Variants in ARHGAP42 observed in about 807,000 individuals in gnomAD.
The protein encoded by ARHGAP42 is rho GTPase-activating protein 42.
In ARHGAP42, 63 loss-of-function variants were observed where a neutral mutation model predicts 125.0. That is an observed-to-expected ratio of 0.50 (90% confidence interval 0.41 to 0.62). The LOEUF (loss-of-function observed/expected upper bound fraction) is 0.62. ARHGAP42 is among the 20% of genes least tolerant of loss of function. The probability of loss-of-function intolerance (pLI) is 0.00; values close to 1 mark genes in which losing one functional copy is unlikely to be tolerated. For missense variants in ARHGAP42, 766 were observed against 1,024.2 expected (o/e 0.75, Z 3.44); for synonymous variants, 339 against 351.0 (o/e 0.97, Z 0.38).
In ARHGAP42 at chr11:100,943,134, G is replaced by T. The variant is rs188419205; in HGVS notation, c.934-625G>T. Among the ~76,000 whole-genome samples, 303 of 151,910 alleles carry T rather than the reference G, an allele frequency of 2.0e-3. 1 individual carries two copies. The highest frequency in any genetic ancestry group is 3.4e-3 in the Non-Finnish European group (228 of 67,904). ...GGGTTACCAGCAAAACAATCACATTGTATTAGGTTGGTGCAAAAGTAATTG... is the reference window on the plus strand; with the variant it reads ...GGGTTACCAGCAAAACAATCACATTTTATTAGGTTGGTGCAAAAGTAATTG... On this transcript the variant is annotated intron_variant, in intron 9 of 23. Transcript: ENST00000298815.
chr11:100,736,546 G>T (rs890838457), intron 1 of ARHGAP42, among the ~76,000 whole-genome samples: 1 of 152,190 alleles, frequency 6.6e-6, no homozygotes, highest in Non-Finnish European at 1.5e-5. Flanking sequence ...TCACATCCCT[G>T]CAGGGTGTCT....
chr11:100,744,131 C>T (rs1306420405), intron 1 of ARHGAP42, among the ~76,000 whole-genome samples: 7 of 152,124 alleles, frequency 4.6e-5, no homozygotes, highest in South Asian at 4.1e-4. Context: ...CCTCCACGCC[C>T]GGCTAATTTT....
At chr11:100,946,322 T>G (rs1868015439) in intron 10 of ARHGAP42, among the ~76,000 whole-genome samples, 1 of 152,096 alleles carries the variant, frequency 6.6e-6, no homozygotes, top group Non-Finnish European at 1.5e-5. Context: ...GTTGTTTTGA[T>G]TCCTAGCGTT....
chr11:100,876,915 A>T (rs1006329204), intron 4 of ARHGAP42, among the ~76,000 whole-genome samples: 11 of 152,174 alleles, frequency 7.2e-5, no homozygotes, highest in Non-Finnish European at 1.5e-4. Flanking sequence ...CATGCAACCC[A>T]CGTTTGCATC....
chr11:100,970,079 C>T (rs1295586043), intron 17 of ARHGAP42, among the ~76,000 whole-genome samples: 2 of 152,000 alleles, frequency 1.3e-5, no homozygotes, highest in East Asian at 1.9e-4. Context: ...ACCTCTGCCT[C>T]TCGGGTTCAA....
At chr11:100,772,724 T>C (rs1429117663) in intron 2 of ARHGAP42, among the ~76,000 whole-genome samples, 1 of 152,198 alleles carries the variant, frequency 6.6e-6, no homozygotes, top group Admixed American at 6.5e-5. Flanking sequence ...ATAGGCTTTG[T>C]AGTATACACT....
At chr11:100,852,190 G>A (rs976236318) in intron 3 of ARHGAP42, among the ~76,000 whole-genome samples, 1 of 151,850 alleles carries the variant, frequency 6.6e-6, no homozygotes, top group Admixed American at 6.6e-5. Context: ...ACTACAATAA[G>A]TAATTTAAGA....
chr11:100,705,424 G>A (rs1236193628), intron 1 of ARHGAP42, among the ~76,000 whole-genome samples: 1 of 152,198 alleles, frequency 6.6e-6, no homozygotes, highest in African/African-American at 2.4e-5. Context: ...GCTTGATTGT[G>A]AGCACATCAC....
At chr11:100,867,366 A>G (rs1292050337) in intron 4 of ARHGAP42, among the ~76,000 whole-genome samples, 1 of 152,216 alleles carries the variant, frequency 6.6e-6, no homozygotes, top group East Asian at 1.9e-4. Flanking sequence ...ACCTTCATCT[A>G]TGATTTTAGC....
chr11:100,775,936 G>A (rs1863108954), intron 2 of ARHGAP42, among the ~76,000 whole-genome samples: 1 of 152,056 alleles, frequency 6.6e-6, no homozygotes, highest in Non-Finnish European at 1.5e-5. Context: ...GAGGCGGGCG[G>A]ATCACCTGAG....
intron 1 of ARHGAP42, among the ~76,000 whole-genome samples, chr11:100,717,461 C>A (rs1397739334): frequency 6.6e-6 from 1 of 151,826 alleles, no homozygotes; most frequent in Non-Finnish European, 1.5e-5. Flanking sequence ...CACAGTGAAA[C>A]CCCGTCTCTA....
intron 2 of ARHGAP42, among the ~76,000 whole-genome samples, chr11:100,779,528 G>GTATATATATACGTATACATA (rs1565210609): frequency 5.8e-5 from 5 of 86,270 alleles, no homozygotes; most frequent in Admixed American, 3.1e-4. Context: ...ACGTATACAT[G>GTATATATATACGTATACATA]CGTATATATA....
chr11:100,802,304 C>A (rs529486449), intron 3 of ARHGAP42, among the ~76,000 whole-genome samples: 82 of 152,178 alleles, frequency 5.4e-4, no homozygotes, highest in African/African-American at 1.8e-3. Flanking sequence ...ATCTAGGTAA[C>A]CTCTTCTTTG....
At chr11:100,713,898 T>C (rs1451437466) in intron 1 of ARHGAP42, among the ~76,000 whole-genome samples, 1 of 152,228 alleles carries the variant, frequency 6.6e-6, no homozygotes, top group Non-Finnish European at 1.5e-5. Context: ...GTATTTCTAA[T>C]GTGGATTGAA....
chr11:100,953,003 A>G (rs978307106), intron 12 of ARHGAP42, among the ~76,000 whole-genome samples: 2 of 152,052 alleles, frequency 1.3e-5, no homozygotes, highest in Non-Finnish European at 2.9e-5. Flanking sequence ...GTGATTGTGA[A>G]ATTCTTATAC....
intron 4 of ARHGAP42, among the ~76,000 whole-genome samples, chr11:100,912,151 C>A (rs1336223184): frequency 6.6e-6 from 1 of 151,996 alleles, no homozygotes; most frequent in Non-Finnish European, 1.5e-5. Flanking sequence ...GATAGATAAA[C>A]CTGGATTTGA....
chr11:100,972,916 G>A (rs1411939628), intron 17 of ARHGAP42, among the ~76,000 whole-genome samples: 1 of 152,024 alleles, frequency 6.6e-6, no homozygotes, highest in Admixed American at 6.6e-5. Context: ...TAGGGTAATT[G>A]TACTTGATTT....
chr11:100,974,712 T>A, intron 19 of ARHGAP42, 109 bp downstream of exon 19: 2 of 1,136,698 alleles, frequency 1.8e-6, no homozygotes, highest in Non-Finnish European at 2.4e-6. Context: ...TGATGCTCTT[T>A]CCCCAACACC....
chr11:100,761,569 A>G (rs931913958), intron 1 of ARHGAP42, among the ~76,000 whole-genome samples: 1 of 152,134 alleles, frequency 6.6e-6, no homozygotes, highest in Admixed American at 6.5e-5. Context: ...AAATCTGGCC[A>G]AGTGTTGGTT....
Sources: gnomAD v4.1 joint callset for allele counts (sites outside exome capture counted in the v4.1 genomes callset) on GRCh38, gnomAD v4.1.1 for gene constraint, MANE v1.5 for transcripts, NCBI Gene and HGNC (gene_info 2026-07-23, HGNC 2026-07-21) for gene names.